Variants in LIMS1 observed in about 807,000 individuals in gnomAD.
The protein encoded by LIMS1 is LIM and senescent cell antigen-like-containing domain protein 1.
A neutral mutation model predicts 44.1 loss-of-function variants in LIMS1; 18 were observed. That is an observed-to-expected ratio of 0.41 (90% CI 0.28 to 0.61). The LOEUF (loss-of-function observed/expected upper bound fraction) is 0.61. Ranked by LOEUF, LIMS1 falls within the 20% of genes least tolerant of loss-of-function variation. The pLI, the probability that LIMS1 is intolerant of heterozygous loss-of-function variation, is 0.32. For missense variants in LIMS1, 201 were observed against 422.0 expected, an observed-to-expected ratio of 0.48 and a Z score of 4.59; for synonymous variants, 93 against 149.1, an observed-to-expected ratio of 0.62 and a Z score of 2.74.
At chr2:108,668,334 C>T (rs1691932317) in intron 2 of LIMS1, among the ~76,000 whole-genome samples, 1 of 151,696 alleles carries the variant, frequency 6.6e-6, no homozygotes, top group Non-Finnish European at 1.5e-5. Flanking sequence ...CTAACTGTAA[C>T]TTTGTACCCA....
chr2:108,649,525 A>T (rs1019804075), intron 1 of LIMS1, among the ~76,000 whole-genome samples: 1 of 152,212 alleles, frequency 6.6e-6, no homozygotes, highest in Non-Finnish European at 1.5e-5. Flanking sequence ...ATGCACATGT[A>T]TGTTTGTTGC....
chr2:108,599,012 T>A (rs1686862856), intron 1 of LIMS1, among the ~76,000 whole-genome samples: 1 of 152,150 alleles, frequency 6.6e-6, no homozygotes, highest in East Asian at 1.9e-4. Flanking sequence ...CCCTCAAGCA[T>A]TTATTCTTTA....
chr2:108,534,550 C>G, exon 1 of LIMS1: 1 of 1,206,400 alleles, frequency 8.3e-7, no homozygotes, highest in East Asian at 3.8e-5. Flanking sequence ...CGGCGGCGGC[C>G]GAAAGCGGAG....
intron 1 of LIMS1, among the ~76,000 whole-genome samples, chr2:108,630,308 C>T (rs891179567): frequency 7.2e-5 from 11 of 151,974 alleles, no homozygotes; most frequent in African/African-American, 2.2e-4. Context: ...GAGCCTCCTT[C>T]GAAATTCACT....
At chr2:108,541,758 T>A (rs914500755) in intron 1 of LIMS1, among the ~76,000 whole-genome samples, 3 of 152,208 alleles carry the variant, frequency 2.0e-5, no homozygotes, top group Non-Finnish European at 2.9e-5. Flanking sequence ...AATCATCATC[T>A]TTTGTGTTTT....
chr2:108,637,745 A>G (rs997638582), intron 1 of LIMS1, among the ~76,000 whole-genome samples: 19 of 152,368 alleles, frequency 1.2e-4, no homozygotes, highest in African/African-American at 4.6e-4. Context: ...GAATAAAAAT[A>G]AAAGAATGAA....
At chr2:108,577,747 C>G (rs1409304944) in intron 1 of LIMS1, among the ~76,000 whole-genome samples, 1 of 152,272 alleles carries the variant, frequency 6.6e-6, no homozygotes, top group Admixed American at 6.5e-5. Context: ...GATGTTCTTA[C>G]AAAGCTGTTT....
At chr2:108,569,764 CTTTTTT>C (rs10596766) in intron 1 of LIMS1, among the ~76,000 whole-genome samples, 1 of 113,100 alleles carries the variant, frequency 8.8e-6, no homozygotes. Flanking sequence ...CCATATCTGG[CTTTTTT>C]TTTTTTTTTT....
At chr2:108,581,540 T>G (rs1194566040) in intron 1 of LIMS1, among the ~76,000 whole-genome samples, 2 of 152,194 alleles carry the variant, frequency 1.3e-5, no homozygotes, top group African/African-American at 2.4e-5. Flanking sequence ...ATTTTTCTTT[T>G]ATAGTAACTT....
At chr2:108,625,974 G>T (rs1203549443) in intron 1 of LIMS1, among the ~76,000 whole-genome samples, 1 of 152,218 alleles carries the variant, frequency 6.6e-6, no homozygotes, top group Non-Finnish European at 1.5e-5. Context: ...ACTGCATTAA[G>T]TAAGGGCTTT....
chr2:108,613,856 C>T (rs1687789584), intron 1 of LIMS1, among the ~76,000 whole-genome samples: 1 of 152,098 alleles, frequency 6.6e-6, no homozygotes, highest in Admixed American at 6.5e-5. Flanking sequence ...TCCAGTGTTT[C>T]TGTCTCAGGA....
intron 1 of LIMS1, among the ~76,000 whole-genome samples, chr2:108,587,677 T>G (rs181610715): frequency 6.6e-6 from 1 of 152,308 alleles, no homozygotes; most frequent in East Asian, 1.9e-4. Flanking sequence ...AAGGCTGAAT[T>G]AATTGCTCTC....
Position 108,663,996 on chromosome 2 carries a change from C to T in LIMS1, c.192+4232C>T, listed in dbSNP as rs1191623258. Among the ~76,000 whole-genome samples, 4 of 152,080 alleles carry T rather than the reference C, an allele frequency of 2.6e-5. No individual in the cohort carries two copies. The East Asian group carries it at 5.8e-4, about 22-fold the overall frequency. On this transcript the variant is annotated intron_variant, in intron 2 of 9. Transcript: ENST00000544547. ...CTCAAACTCCCGACCTCAGGTGATC[C>T]GCTCGCCTCGTTCTCCCAAAGTGCT...
At chr2:108,588,639 A>G in intron 1 of LIMS1, 1 of 981,546 alleles carries the variant, frequency 1.0e-6, no homozygotes, top group Non-Finnish European at 1.2e-6. Context: ...GTATTGTTGT[A>G]TTTCTGGATT....
At chr2:108,632,013 C>A (rs1449016584) in intron 1 of LIMS1, among the ~76,000 whole-genome samples, 1 of 152,178 alleles carries the variant, frequency 6.6e-6, no homozygotes, top group Non-Finnish European at 1.5e-5. Context: ...CTCTTGTCAC[C>A]CAGGCTGGAG....
chr2:108,645,301 G>A (rs1689982628), intron 1 of LIMS1, among the ~76,000 whole-genome samples: 1 of 152,192 alleles, frequency 6.6e-6, no homozygotes, highest in Non-Finnish European at 1.5e-5. Context: ...GATCTCGGCA[G>A]AAACCCTACA....
At chr2:108,621,492 C>A in intron 1 of LIMS1, 1 of 1,467,724 alleles carries the variant, frequency 6.8e-7, no homozygotes, top group South Asian at 1.2e-5. Context: ...GGCTAAAGGT[C>A]AAGACATCTA....
intron 1 of LIMS1, among the ~76,000 whole-genome samples, chr2:108,623,395 C>G (rs1376035912): frequency 3.9e-5 from 6 of 151,914 alleles, no homozygotes; most frequent in African/African-American, 1.5e-4. Context: ...TTTTTTAAGT[C>G]TTGGTTTATT....
At chr2:108,663,455 T>C (rs1691511240) in intron 2 of LIMS1, among the ~76,000 whole-genome samples, 1 of 152,208 alleles carries the variant, frequency 6.6e-6, no homozygotes, top group Non-Finnish European at 1.5e-5. Context: ...TCCAGCATTA[T>C]CTCCAGTAAA....
Sources: gnomAD v4.1 joint callset for allele counts (sites outside exome capture counted in the v4.1 genomes callset) on GRCh38, gnomAD v4.1.1 for gene constraint, MANE v1.5 for transcripts, NCBI Gene and HGNC (gene_info 2026-07-23, HGNC 2026-07-21) for gene names.